Variants in PVT1 observed in about 807,000 individuals in gnomAD.
The protein encoded by PVT1 is Pvt1 oncogene.
chr8:127,957,734 G>GT (rs1411440825), intron 3 of PVT1, among the ~76,000 whole-genome samples: 1 of 152,252 alleles, frequency 6.6e-6, no homozygotes. Context: ...GGGAGCGAGT[G>GT]TTTCTCTTTG....
intron 4 of PVT1, among the ~76,000 whole-genome samples, chr8:128,016,597 T>A (rs115592612): frequency 6.6e-6 from 1 of 152,258 alleles, no homozygotes; most frequent in Non-Finnish European, 1.5e-5. Context: ...CTTGCTGGTA[T>A]CTTATAGATT....
chr8:128,087,705 T>C (rs561989618), intron 5 of PVT1, among the ~76,000 whole-genome samples: 1 of 151,522 alleles, frequency 6.6e-6, no homozygotes, highest in African/African-American at 2.4e-5. Flanking sequence ...GTTGTTGCAA[T>C]CATGGAAACC....
At chr8:127,848,189 C>G (rs928339585) in intron 2 of PVT1, among the ~76,000 whole-genome samples, 1 of 152,158 alleles carries the variant, frequency 6.6e-6, no homozygotes, top group South Asian at 2.1e-4. Flanking sequence ...AACGTCAGTT[C>G]TTATCACATG....
chr8:127,942,633 C>A (rs187403753), intron 3 of PVT1, among the ~76,000 whole-genome samples: 1 of 152,156 alleles, frequency 6.6e-6, no homozygotes, highest in Non-Finnish European at 1.5e-5. Context: ...GAGTGATAGC[C>A]ACCTGGTGAC....
chr8:127,877,749 A>G (rs1815421056), intron 2 of PVT1, among the ~76,000 whole-genome samples: 1 of 151,566 alleles, frequency 6.6e-6, no homozygotes, highest in Non-Finnish European at 1.5e-5. Flanking sequence ...CATGATGAAA[A>G]CCTCTCTCTA....
chr8:128,021,272 G>A (rs541905489), intron 4 of PVT1, among the ~76,000 whole-genome samples: 1 of 144,704 alleles, frequency 6.9e-6, no homozygotes, highest in Non-Finnish European at 1.5e-5. Flanking sequence ...TCTCCAGTCC[G>A]ATTCCCCAGG....
chr8:127,803,714 G>A (rs919268097), intron 2 of PVT1, among the ~76,000 whole-genome samples: 1 of 138,282 alleles, frequency 7.2e-6, no homozygotes, highest in Non-Finnish European at 1.5e-5. Flanking sequence ...GTGAGATCCT[G>A]TCTCTACAGT....
chr8:128,020,917 G>C (rs1817425529), intron 4 of PVT1, among the ~76,000 whole-genome samples: 2 of 152,150 alleles, frequency 1.3e-5, no homozygotes, highest in Admixed American at 1.3e-4. Flanking sequence ...AGCTTGCCCT[G>C]CTGCTCCTGA....
At chr8:127,944,734 T>C (rs1210945046) in intron 3 of PVT1, among the ~76,000 whole-genome samples, 1 of 152,124 alleles carries the variant, frequency 6.6e-6, no homozygotes, top group Non-Finnish European at 1.5e-5. Context: ...GATGCCTCAC[T>C]GGTAACAGTC....
chr8:127,962,384 C>T (rs368542216), intron 3 of PVT1, among the ~76,000 whole-genome samples: 4 of 152,342 alleles, frequency 2.6e-5, no homozygotes, highest in East Asian at 1.9e-4. Context: ...GTTTTTGACA[C>T]ATGTGTTCCT....
intron 3 of PVT1, among the ~76,000 whole-genome samples, chr8:127,916,035 C>A (rs1253516316): frequency 1.3e-5 from 2 of 152,234 alleles, no homozygotes; most frequent in African/African-American, 2.4e-5. Context: ...ATCCCACTTA[C>A]AGGGGGGCAA....
intron 4 of PVT1, among the ~76,000 whole-genome samples, chr8:128,007,808 A>G (rs1326835508): frequency 6.6e-6 from 1 of 152,242 alleles, no homozygotes; most frequent in Non-Finnish European, 1.5e-5. Context: ...TGCATTTTCC[A>G]GCACAGGCAG....
chr8:127,936,034 C>CTT lies in PVT1; in HGVS notation n.782+45059_782+45060dup, dbSNP rs937905808. Among the ~76,000 whole-genome samples, 980 of 101,146 alleles carry CTT rather than the reference C, an allele frequency of 9.7e-3. 18 individuals are homozygous for CTT. The highest frequency in any genetic ancestry group is 0.037 in the African/African-American group (871 of 23,722). 66.4% of individuals were successfully genotyped at this position (101,146 alleles called of 152,430 possible). ...CAAACAGTGTCTTCTCTCTCTCTCTCTTTTTTTTTTTTTTTTTTTTTTTTA... is the reference window on the plus strand; with the variant it reads ...CAAACAGTGTCTTCTCTCTCTCTCTCTTTTTTTTTTTTTTTTTTTTTTTTTTA... On this transcript the variant is annotated intron_variant and non_coding_transcript_variant, in intron 3 of 10. Transcript: ENST00000651587.
At chr8:127,946,070 G>A (rs947436557) in intron 3 of PVT1, among the ~76,000 whole-genome samples, 1 of 152,220 alleles carries the variant, frequency 6.6e-6, no homozygotes, top group Admixed American at 6.5e-5. Context: ...GGCAGGGCTC[G>A]CTGGAGTGCA....
intron 4 of PVT1, among the ~76,000 whole-genome samples, chr8:128,026,542 C>T (rs1813286702): frequency 6.6e-6 from 1 of 152,064 alleles, no homozygotes; most frequent in African/African-American, 2.4e-5. Context: ...AGAAAATGAG[C>T]CCAGATCCCT....
intron 3 of PVT1, among the ~76,000 whole-genome samples, chr8:127,966,877 T>C (rs1306697797): frequency 6.6e-6 from 1 of 152,136 alleles, no homozygotes; most frequent in Non-Finnish European, 1.5e-5. Context: ...ACGGGGATAT[T>C]AGAATGCCTT....
intron 4 of PVT1, among the ~76,000 whole-genome samples, chr8:128,019,653 T>G (rs2130051382): frequency 6.6e-6 from 1 of 152,370 alleles, no homozygotes; most frequent in South Asian, 2.1e-4. Context: ...TGTGCCATTT[T>G]TATTTACGGT....
chr8:128,073,539 A>G (rs1315450420), intron 5 of PVT1, among the ~76,000 whole-genome samples: 1 of 151,778 alleles, frequency 6.6e-6, no homozygotes. Flanking sequence ...CTGAGCATCT[A>G]CTCTAGCAAT....
In PVT1 at chr8:127,957,582, A is replaced by AAAAAG. The variant is rs1453995167; in HGVS notation, n.783-31565_783-31561dup. Among the ~76,000 whole-genome samples the AAAAAG allele has an allele frequency of 2.5e-3, 371 of 146,020 alleles. 3 individuals carry two copies. Among genetic ancestry groups the AAAAAG allele is most frequent in the Middle Eastern group, 3.6e-3 (1 of 278 alleles). On this transcript the variant is annotated intron_variant and non_coding_transcript_variant, in intron 3 of 10. Transcript: ENST00000651587. ...ACTCCGTCTCAAAAAAAAAAAAAAA[A>AAAAAG]AAAAGAAAAGAAAAGAAAAAAAAGT...
Sources: allele counts gnomAD v4.1 joint callset (sites outside exome capture counted in the v4.1 genomes callset), GRCh38; gene constraint gnomAD v4.1.1; transcripts MANE v1.5; gene names NCBI Gene and HGNC (gene_info 2026-07-23, HGNC 2026-07-21).